EPG5: variants seen among roughly 807,000 people sequenced by gnomAD.
The protein encoded by EPG5 is ectopic P-granules 5 autophagy tethering factor.
A neutral mutation model predicts 302.7 loss-of-function variants in EPG5; 159 were observed. That is an observed-to-expected ratio of 0.53 (90% CI 0.46 to 0.60). The LOEUF (loss-of-function observed/expected upper bound fraction) is 0.60, where lower values mean the gene tolerates loss of function less well. Among genes scored for constraint, EPG5 ranks in the 20% least tolerant of loss-of-function variants. The pLI, the probability that EPG5 is intolerant of heterozygous loss-of-function variation, is 0.00. For synonymous variants in EPG5, 1,158 were observed against 1,136.8 expected, an observed-to-expected ratio of 1.02 and a Z score of -0.37; for missense variants, 2,896 against 3,092.4, an observed-to-expected ratio of 0.94 and a Z score of 1.51.
intron 31 of EPG5, 146 bp downstream of exon 31, chr18:45,882,128 A>T (rs1471498412): frequency 1.4e-6 from 1 of 740,338 alleles, no homozygotes; most frequent in East Asian, 2.7e-5. Flanking sequence ...GGCCTTGTTC[A>T]TCAAGCCCTT....
At chr18:45,836,185 TG>T in the EPG5 span, among the ~76,000 whole-genome samples, 7 of 152,266 alleles carry the variant, frequency 4.6e-5, no homozygotes, top group African/African-American at 1.7e-4. Flanking sequence ...GCACTGGGCT[TG>T]GGGTCAGAAA....
chr18:45,879,287 G>A, intron 32 of EPG5, 73 bp from the exon 33 acceptor site: 1 of 1,066,170 alleles, frequency 9.4e-7, no homozygotes, highest in South Asian at 1.5e-5. Context: ...ACACTGTGAT[G>A]GGGGTGTATA....
the EPG5 span, chr18:45,837,184 G>A: frequency 1.9e-6 from 3 of 1,546,478 alleles, no homozygotes; most frequent in African/African-American, 4.1e-5. Context: ...GTTTTGATGG[G>A]GAAAAACTAA....
the EPG5 span, among the ~76,000 whole-genome samples, chr18:45,825,186 G>C: frequency 7.2e-6 from 1 of 138,060 alleles, no homozygotes. Flanking sequence ...AAGAGAGGGA[G>C]GGAGAGAGGG....
intron 36 of EPG5, among the ~76,000 whole-genome samples, chr18:45,870,183 A>T (rs1394588963): frequency 1.3e-5 from 2 of 152,168 alleles, no homozygotes; most frequent in African/African-American, 2.4e-5. Flanking sequence ...CTTCAGTACC[A>T]ATTTACATTT....
intron 10 of EPG5, among the ~76,000 whole-genome samples, chr18:45,939,036 A>G (rs2050601313): frequency 6.6e-6 from 1 of 152,216 alleles, no homozygotes; most frequent in Non-Finnish European, 1.5e-5. Flanking sequence ...CCAGTGGCTC[A>G]GGGAAGGGAG....
chr18:45,906,619 A>G (rs544444385), intron 24 of EPG5, among the ~76,000 whole-genome samples: 2 of 151,174 alleles, frequency 1.3e-5, no homozygotes, highest in South Asian at 2.1e-4. Context: ...CTATTCCCCT[A>G]TGTTTCCATA....
At chr18:45,854,633 G>A (rs369239574) in intron 43 of EPG5, among the ~76,000 whole-genome samples, 1 of 152,130 alleles carries the variant, frequency 6.6e-6, no homozygotes, top group South Asian at 2.1e-4. Flanking sequence ...CTGAGGCTAA[G>A]AGGAACGCTT....
the EPG5 span, chr18:45,842,242 G>A: frequency 1.9e-6 from 3 of 1,592,512 alleles, no homozygotes; most frequent in Non-Finnish European, 2.6e-6. Flanking sequence ...AAAGGCCAGT[G>A]CGAGGCTTGG....
rs2048434599 is a variant in EPG5 at position 45,852,367 on chromosome 18, A to G, written c.*100T>C. 1.8e-6 allele frequency: 2 copies of G among 1,122,098 alleles called. No homozygotes were observed. The highest frequency in any genetic ancestry group is 2.5e-6 in the Non-Finnish European group (2 of 789,550). 69.5% of individuals were successfully genotyped at this position (1,122,098 alleles called of 1,614,324 possible). On this transcript the variant is annotated 3_prime_UTR_variant, in exon 44 of 44. Transcript: ENST00000282041. ...ATCTCAGTCAACTACACATTGGCCA[A>G]ACTGAGCTCTACAGTGCAATTGAGC...
rs2049486077 is a variant in EPG5 at position 45,896,722 on chromosome 18, A to G, written c.4809+2682T>C. On this transcript the variant is annotated intron_variant, in intron 27 of 43. Coordinates refer to ENST00000282041, the MANE Select transcript of EPG5 (RefSeq NM_020964.3). ...ACCATGCCCGGCTTATTTTTGTATAATATTTTTTGTAAAGACAGAGTTTCT... is the reference window on the plus strand; with the variant it reads ...ACCATGCCCGGCTTATTTTTGTATAGTATTTTTTGTAAAGACAGAGTTTCT... 2.6e-5 allele frequency among the ~76,000 whole-genome samples: 4 copies of G among 151,952 alleles called. No homozygotes were observed. In the South Asian group the frequency reaches 8.3e-4, roughly 32 times the overall value.
chr18:45,837,183 G>C, the EPG5 span: 1 of 1,548,790 alleles, frequency 6.5e-7, no homozygotes, highest in Non-Finnish European at 8.7e-7. Flanking sequence ...GGTTTTGATG[G>C]GGAAAAACTA....
the EPG5 span, chr18:45,837,536 A>G: frequency 6.6e-7 from 1 of 1,517,622 alleles, no homozygotes; most frequent in Non-Finnish European, 8.8e-7. Flanking sequence ...GCGCTGGTCC[A>G]TGCAGGTGCC....
At chr18:45,843,348 G>C (rs2048341153), downstream of EPG5, 1 of 152,272 alleles carries the variant, frequency 6.6e-6, no homozygotes, top group African/African-American at 2.4e-5. Context: ...TTGGGGCTTA[G>C]GGAGAGGAGG....
In EPG5 at chr18:45,967,291, C is replaced by T. The variant is rs776637110; in HGVS notation, c.-52G>A. On this transcript the variant is annotated 5_prime_UTR_variant, in exon 1 of 44. Transcript: ENST00000282041. ...TTGTTTTTGTCAAACCCCTGCGCTT[C>T]AAGCAACCTGCCCGGTTCTGGCCTC... 10 of 1,504,384 alleles carry T rather than the reference C, an allele frequency of 6.6e-6. No individual in the cohort carries two copies. The South Asian group carries it at 1.2e-4, about 19-fold the overall frequency. The allele number at this position is 1,504,384 out of a possible 1,614,324, so 93.2% of individuals were successfully genotyped here.
intron 36 of EPG5, among the ~76,000 whole-genome samples, chr18:45,868,662 C>T (rs189057739): frequency 7.9e-5 from 12 of 151,288 alleles, no homozygotes; most frequent in Admixed American, 7.2e-4. Context: ...AGCCACCGCG[C>T]CCGGCCTATA....
Position 45,925,628 on chromosome 18 carries a change from T to C in EPG5, c.2718+110A>G, listed in dbSNP as rs193218774. On this transcript the variant is annotated intron_variant, in intron 14 of 43. Coordinates refer to ENST00000282041, the MANE Select transcript of EPG5 (RefSeq NM_020964.3). The stretch of plus-strand genomic sequence containing the variant: ...AAACTCTGACACAGCTACAAAGAAT[T>C]TGTAGACCTTGCAAATGGTACTCAG... The C allele has an allele frequency of 3.1e-4, 248 of 801,486 alleles. 2 individuals are homozygous for C. The highest frequency in any genetic ancestry group is 8.7e-4 in the Admixed American group (28 of 32,042). The allele number at this position is 801,486 out of a possible 1,614,324, so 49.6% of individuals were successfully genotyped here.
In EPG5 at chr18:45,866,981, T is replaced by A; in HGVS notation, c.6438A>T (p.Gly2146=). The A allele has an allele frequency of 6.2e-7, 1 of 1,614,124 alleles. No individual in the cohort carries two copies. Among genetic ancestry groups the A allele is most frequent in the Non-Finnish European group, 8.5e-7 (1 of 1,179,958 alleles). ...GATGCCATGAAAGTGAGCTTGTCTG[T>A]CCAAGGAGACTAAGTAAAGGTGAAT... The part of the protein sequence containing the change: ...QTDSPLLSLL[G]QTSSLSWHLV... The change falls in exon 38 of 44, where the codon GGA becomes GGT. Residue 2146 remains glycine, a synonymous_variant. Transcript: ENST00000282041.
chr18:45,838,420 T>A, the EPG5 span: 1 of 490,552 alleles, frequency 2.0e-6, no homozygotes, highest in Non-Finnish European at 3.6e-6. Context: ...TAATGGCCAC[T>A]TAGCATTTGC....
Sources: allele counts gnomAD v4.1 joint callset (sites outside exome capture counted in the v4.1 genomes callset), GRCh38; gene constraint gnomAD v4.1.1; transcripts MANE v1.5; gene names NCBI Gene and HGNC (gene_info 2026-07-23, HGNC 2026-07-21).